Variants in UMAD1 observed in about 807,000 individuals in gnomAD.
The protein encoded by UMAD1 is UBAP1-MVB12-associated (UMA) domain containing 1, also known as UBAP1-MVB12-associated (UMA)-domain containing protein 1.
Under a neutral mutation model 6.1 loss-of-function variants are expected in UMAD1, and 8 were observed. The observed-to-expected ratio is 1.30, with a 90% CI of 0.76 to 2.35. The LOEUF (loss-of-function observed/expected upper bound fraction) is 2.35. Among genes scored for constraint, UMAD1 ranks in the 30% most tolerant of loss-of-function variants. UMAD1 has a pLI of 0.00. For synonymous variants in UMAD1, 56 were observed against 31.4 expected, an observed-to-expected ratio of 1.78 and a Z score of -2.61; for missense variants, 130 against 78.4, an observed-to-expected ratio of 1.66 and a Z score of -2.49.
intron 3 of UMAD1, among the ~76,000 whole-genome samples, chr7:7,809,683 A>G (rs190383522): frequency 6.6e-6 from 1 of 151,922 alleles, no homozygotes; most frequent in African/African-American, 2.4e-5. Context: ...CCTTTTGATC[A>G]GCATCTTCCC....
intron 2 of UMAD1, among the ~76,000 whole-genome samples, chr7:7,700,163 C>T (rs1780424939): frequency 6.6e-6 from 1 of 152,138 alleles, no homozygotes; most frequent in Non-Finnish European, 1.5e-5. Context: ...AGTCCAAGAT[C>T]AAGGCATTGG....
At chr7:7,757,347 C>G (rs899068658) in intron 2 of UMAD1, among the ~76,000 whole-genome samples, 1 of 152,204 alleles carries the variant, frequency 6.6e-6, no homozygotes, top group Non-Finnish European at 1.5e-5. Context: ...CTAATCCTCT[C>G]TCTCAAAAGA....
chr7:7,801,733 A>G lies in UMAD1; in HGVS notation c.146A>G (p.Gln49Arg). 1 of 718,068 alleles carries G rather than the reference A, an allele frequency of 1.4e-6. No homozygotes were observed. Among genetic ancestry groups the G allele is most frequent in the South Asian group, 1.5e-5 (1 of 67,582 alleles). The allele number at this position is 718,068 out of a possible 1,614,324, so 44.5% of individuals were successfully genotyped here. ...RGKTSDIEANQPLETNKENSS... is the reference protein window; with the variant it reads ...RGKTSDIEANRPLETNKENSS... ...AAAACTTCGGACATAGAGGCCAACC[A>G]ACCTTTGGAGGTAAGTGAAACAGAG... The change falls in exon 3 of 4, where the codon CAA becomes CGA. Residue 49 changes from glutamine (Q) to arginine (R), a missense_variant. By Grantham distance (43) the Gln-to-Arg change is conservative. Coordinates refer to ENST00000682710, the MANE Select transcript of UMAD1 (RefSeq NM_001302348.2).
intron 3 of UMAD1, among the ~76,000 whole-genome samples, chr7:7,816,620 A>G (rs957790915): frequency 6.6e-6 from 1 of 152,206 alleles, no homozygotes; most frequent in Non-Finnish European, 1.5e-5. Flanking sequence ...GAGTGAGCCA[A>G]AGTCCAAAAG....
chr7:7,844,987 G>T (rs937451180), intron 3 of UMAD1, among the ~76,000 whole-genome samples: 6 of 151,866 alleles, frequency 4.0e-5, no homozygotes, highest in African/African-American at 9.7e-5. Context: ...TCTTTTTTAC[G>T]TAAAAAAATT....
At chr7:7,689,136 G>T (rs1370012673) in intron 2 of UMAD1, among the ~76,000 whole-genome samples, 1 of 152,092 alleles carries the variant, frequency 6.6e-6, no homozygotes, top group African/African-American at 2.4e-5. Context: ...AGCCAGTCAC[G>T]GTAGTCTAAT....
chr7:7,703,553 G>T (rs749174402), intron 2 of UMAD1, among the ~76,000 whole-genome samples: 7 of 152,160 alleles, frequency 4.6e-5, no homozygotes, highest in Non-Finnish European at 7.3e-5. Flanking sequence ...TCCTGACTCA[G>T]GTTTCAGACA....
At chr7:7,803,461 C>T (rs1782842242) in intron 3 of UMAD1, among the ~76,000 whole-genome samples, 1 of 152,146 alleles carries the variant, frequency 6.6e-6, no homozygotes, top group South Asian at 2.1e-4. Context: ...CCATAAGTAG[C>T]ATCTCTGATA....
At chr7:7,737,005 T>C (rs1234775433) in intron 2 of UMAD1, among the ~76,000 whole-genome samples, 1 of 152,280 alleles carries the variant, frequency 6.6e-6, no homozygotes, top group Non-Finnish European at 1.5e-5. Flanking sequence ...GAAGCTGCCA[T>C]GGCCACCTTG....
At chr7:7,817,030 G>C (rs1001378659) in intron 3 of UMAD1, among the ~76,000 whole-genome samples, 1 of 152,148 alleles carries the variant, frequency 6.6e-6, no homozygotes, top group Non-Finnish European at 1.5e-5. Context: ...CTGCTCCTCT[G>C]TGTAAACGTT....
intron 2 of UMAD1, among the ~76,000 whole-genome samples, chr7:7,782,704 A>G (rs73052002): frequency 0.06 from 9,120 of 151,602 alleles, 399 homozygotes; most frequent in Non-Finnish European, 0.09. Flanking sequence ...AGCCGAAACA[A>G]TAGCAGAATG....
At chr7:7,653,777 T>C (rs28992775) in intron 1 of UMAD1, among the ~76,000 whole-genome samples, 116 of 152,270 alleles carry the variant, frequency 7.6e-4, no homozygotes, top group African/African-American at 2.6e-3. Flanking sequence ...CCAGGGGCGG[T>C]TTTGTCCCCT....
At chr7:7,828,962 G>A (rs1783404892) in intron 3 of UMAD1, among the ~76,000 whole-genome samples, 1 of 152,148 alleles carries the variant, frequency 6.6e-6, no homozygotes. Flanking sequence ...ATAAAAATCA[G>A]TGGTTTTCCT....
intron 3 of UMAD1, among the ~76,000 whole-genome samples, chr7:7,874,102 T>G (rs552537405): frequency 6.6e-6 from 1 of 152,330 alleles, no homozygotes; most frequent in Admixed American, 6.5e-5. Context: ...GGTGATTCCA[T>G]GTGTCTCATC....
chr7:7,726,244 A>T (rs1781136044), intron 2 of UMAD1, among the ~76,000 whole-genome samples: 2 of 152,244 alleles, frequency 1.3e-5, no homozygotes, highest in Admixed American at 6.5e-5. Context: ...GCTTCTGCCA[A>T]GACTATCATC....
At chr7:7,665,480 A>G (rs1034781202) in intron 1 of UMAD1, among the ~76,000 whole-genome samples, 5 of 152,222 alleles carry the variant, frequency 3.3e-5, no homozygotes, top group Non-Finnish European at 7.3e-5. Flanking sequence ...ATTGTGAACT[A>G]AAACTTACAT....
At chr7:7,862,772 G>C (rs1434443870) in intron 3 of UMAD1, among the ~76,000 whole-genome samples, 2 of 152,096 alleles carry the variant, frequency 1.3e-5, no homozygotes, top group African/African-American at 4.8e-5. Context: ...TTCCAATCCA[G>C]ATGACACTTG....
chr7:7,782,543 T>C (rs999150379), intron 2 of UMAD1, among the ~76,000 whole-genome samples: 3 of 152,096 alleles, frequency 2.0e-5, no homozygotes, highest in African/African-American at 7.2e-5. Context: ...ATTTTTTTTA[T>C]TTTCTTTTTT....
intron 2 of UMAD1, among the ~76,000 whole-genome samples, chr7:7,716,814 C>T (rs993400873): frequency 6.6e-6 from 1 of 152,092 alleles, no homozygotes; most frequent in Admixed American, 6.5e-5. Flanking sequence ...GGCATGGTGG[C>T]GGGCGCCCAT....
Sources: gnomAD v4.1 joint callset for allele counts (sites outside exome capture counted in the v4.1 genomes callset) on GRCh38, gnomAD v4.1.1 for gene constraint, MANE v1.5 for transcripts, NCBI Gene and HGNC (gene_info 2026-07-23, HGNC 2026-07-21) for gene names.